The following SHTN1 variants were observed in gnomAD, a reference collection of about 807,000 sequenced individuals.
The protein encoded by SHTN1 is shootin-1.
SHTN1 carries 42 observed loss-of-function variants against 83.1 expected under a neutral mutation model. The ratio of observed to expected loss-of-function variants is 0.51; its 90% CI spans 0.39 to 0.65. The LOEUF is 0.65. Ranked by LOEUF, SHTN1 falls within the 30% of genes least tolerant of loss-of-function variation. The pLI is 0.00. For synonymous variants in SHTN1, 224 were observed against 247.7 expected, an observed-to-expected ratio of 0.90 and a Z score of 0.90; for missense variants, 622 against 737.8, an observed-to-expected ratio of 0.84 and a Z score of 1.82.
intron 5 of SHTN1, among the ~76,000 whole-genome samples, chr10:116,953,384 G>A (rs553005179): frequency 9.9e-5 from 15 of 152,244 alleles, no homozygotes; most frequent in Admixed American, 4.6e-4. Context: ...TAAGGTTATA[G>A]TATAACTGGC....
intron 1 of SHTN1, among the ~76,000 whole-genome samples, chr10:117,076,700 T>C (rs1199936050): frequency 6.6e-6 from 1 of 152,200 alleles, no homozygotes; most frequent in Non-Finnish European, 1.5e-5. Context: ...AGTTGGGGCT[T>C]CTAGGAAAAA....
chr10:117,053,858 C>T (rs1852785410), intron 1 of SHTN1, among the ~76,000 whole-genome samples: 1 of 152,090 alleles, frequency 6.6e-6, no homozygotes, highest in Non-Finnish European at 1.5e-5. Flanking sequence ...ACCAAATGTC[C>T]ACCAACAAAT....
chr10:117,123,897 C>A (rs573328233), intron 1 of SHTN1, among the ~76,000 whole-genome samples: 3 of 120,922 alleles, frequency 2.5e-5, no homozygotes, highest in African/African-American at 9.7e-5. Context: ...CAGAACAAGA[C>A]CCTGTCTCAC....
chr10:117,053,691 G>T (rs1272993259), intron 1 of SHTN1, among the ~76,000 whole-genome samples: 1 of 152,220 alleles, frequency 6.6e-6, no homozygotes, highest in Non-Finnish European at 1.5e-5. Context: ...GTGGAAAACA[G>T]TTTGGTAGTT....
chr10:117,051,388 G>C (rs984271403), intron 1 of SHTN1, among the ~76,000 whole-genome samples: 3 of 152,118 alleles, frequency 2.0e-5, no homozygotes, highest in Admixed American at 1.3e-4. Context: ...AAATAGAAGA[G>C]GAGGAAATAC....
At chr10:117,053,097 G>T (rs1173457950) in intron 1 of SHTN1, among the ~76,000 whole-genome samples, 1 of 150,556 alleles carries the variant, frequency 6.6e-6, no homozygotes, top group Non-Finnish European at 1.5e-5. Context: ...ACTCAAAATG[G>T]ATCAAATACC....
rs914048963 is a variant in SHTN1, at chr10:116,883,287, G to A, written c.*3057C>T. On this transcript the variant is annotated 3_prime_UTR_variant, in exon 17 of 17. Coordinates refer to ENST00000355371, the MANE Select transcript of SHTN1 (RefSeq NM_001127211.3). ...TCTTGTGTTATATAACATTTAATATGAAATATATTTATATAACTGTATATA... is the reference window on the plus strand; with the variant it reads ...TCTTGTGTTATATAACATTTAATATAAAATATATTTATATAACTGTATATA... 6.6e-6 allele frequency: 1 copy of A among 151,966 alleles called. No homozygotes were observed. Among genetic ancestry groups the A allele is most frequent in the African/African-American group, 2.4e-5 (1 of 41,374 alleles). The allele number at this position is 151,966 out of a possible 1,614,324, so 9.4% of individuals were successfully genotyped here. A position where few individuals can be genotyped will look rare whatever the true frequency, so the allele number is the denominator to read the frequency against.
At chr10:117,052,134 G>A (rs1460065817) in intron 1 of SHTN1, among the ~76,000 whole-genome samples, 2 of 149,444 alleles carry the variant, frequency 1.3e-5, no homozygotes, top group African/African-American at 2.5e-5. Flanking sequence ...CTATAAACTA[G>A]CAATAAGTAA....
chr10:116,953,959 T>C, intron 5 of SHTN1, 83 bp downstream of exon 5: 2 of 1,157,036 alleles, frequency 1.7e-6, no homozygotes, highest in East Asian at 2.5e-5. Context: ...GCTTCCCACA[T>C]GATTCTGATG....
chr10:117,112,807 C>T (rs528133887), intron 1 of SHTN1, among the ~76,000 whole-genome samples: 2 of 152,256 alleles, frequency 1.3e-5, no homozygotes, highest in African/African-American at 2.4e-5. Flanking sequence ...GGTAACTAGA[C>T]GAAGAGCTCT....
At chr10:117,065,504 G>C (rs1852963711) in intron 1 of SHTN1, among the ~76,000 whole-genome samples, 1 of 151,274 alleles carries the variant, frequency 6.6e-6, no homozygotes, top group African/African-American at 2.4e-5. Flanking sequence ...GATTGCTTGA[G>C]GTCAGGAGTT....
intron 1 of SHTN1, among the ~76,000 whole-genome samples, chr10:117,077,135 G>A (rs868756392): frequency 2.6e-5 from 4 of 152,260 alleles, no homozygotes; most frequent in Middle Eastern, 3.4e-3. Context: ...TCACCTCTAC[G>A]AATAGGTTTC....
chr10:116,954,329 G>A (rs1849897039), intron 4 of SHTN1, 119 bp from the exon 5 acceptor site: 1 of 594,872 alleles, frequency 1.7e-6, no homozygotes, highest in South Asian at 2.5e-5. Context: ...CTCACAGCAG[G>A]ACATAACAAT....
chr10:117,055,727 G>C (rs1196002122), intron 1 of SHTN1, among the ~76,000 whole-genome samples: 1 of 152,138 alleles, frequency 6.6e-6, no homozygotes, highest in East Asian at 1.9e-4. Flanking sequence ...AATTAGCCAG[G>C]GATCGTGGTA....
At chr10:116,974,354 G>A (rs1850717226) in intron 2 of SHTN1, among the ~76,000 whole-genome samples, 1 of 152,158 alleles carries the variant, frequency 6.6e-6, no homozygotes, top group Non-Finnish European at 1.5e-5. Context: ...TGAACAGTTA[G>A]CATAATGGAT....
At chr10:117,048,376 T>C (rs1589910917) in intron 2 of SHTN1, 1 of 512,770 alleles carries the variant, frequency 2.0e-6, no homozygotes, top group Non-Finnish European at 2.5e-6. Context: ...ATATAAATTC[T>C]AGATAGGAAA....
intron 1 of SHTN1, 139 bp downstream of exon 1, chr10:117,004,883 G>C (rs935039887): frequency 1.5e-6 from 1 of 658,544 alleles, no homozygotes; most frequent in African/African-American, 1.9e-5. Flanking sequence ...GCTTCTCTGC[G>C]GGTGACGGAG....
chr10:117,004,175 C>T (rs764514251), intron 1 of SHTN1, among the ~76,000 whole-genome samples: 1 of 152,170 alleles, frequency 6.6e-6, no homozygotes, highest in East Asian at 1.9e-4. Flanking sequence ...GCGTGAGCCA[C>T]CGCACCCGGC....
At chr10:117,109,098 T>C (rs941983241) in intron 1 of SHTN1, among the ~76,000 whole-genome samples, 3 of 152,230 alleles carry the variant, frequency 2.0e-5, no homozygotes, top group Admixed American at 6.5e-5. Context: ...CTCTACGTTA[T>C]AGCAACTTGT....
Sources: allele counts gnomAD v4.1 joint callset (sites outside exome capture counted in the v4.1 genomes callset), GRCh38; gene constraint gnomAD v4.1.1; transcripts MANE v1.5; gene names NCBI Gene and HGNC (gene_info 2026-07-23, HGNC 2026-07-21).